Variants in FAM161B observed in about 807,000 individuals in gnomAD.
FAM161B encodes the protein protein FAM161B.
Under a neutral mutation model 61.5 loss-of-function variants are expected in FAM161B, and 46 were observed. That is an observed-to-expected ratio of 0.75 (90% CI 0.59 to 0.96). The LOEUF (loss-of-function observed/expected upper bound fraction) is 0.96. Ranked by LOEUF, FAM161B falls within the 40% of genes least tolerant of loss-of-function variation. The pLI, the probability that FAM161B is intolerant of heterozygous loss-of-function variation, is 0.00. For missense variants in FAM161B, 774 were observed against 800.7 expected, an observed-to-expected ratio of 0.97 and a Z score of 0.40; for synonymous variants, 284 against 302.7, an observed-to-expected ratio of 0.94 and a Z score of 0.64.
chr14:73,937,620 GAGAT>G lies in FAM161B; in HGVS notation c.1643_1646del (p.Tyr548SerfsTer9), dbSNP rs1280134668. The stretch of plus-strand genomic sequence containing the variant: ...GTTTTACCTTGGCAACTTGTTCAAA[GAGAT>G]AGGGCCTTGTTTGTATTCGCTGCTT... On this transcript the variant is annotated frameshift_variant, in exon 7 of 9. Coordinates refer to ENST00000286544, the MANE Select transcript of FAM161B (RefSeq NM_152445.3). LOFTEE classifies it high-confidence loss of function. 1 of 1,613,712 alleles carries G rather than the reference GAGAT, an allele frequency of 6.2e-7. No homozygotes were observed. The highest frequency in any genetic ancestry group is 1.1e-5 in the South Asian group (1 of 90,848).
chr14:73,923,966 C>T, the FAM161B span, among the ~76,000 whole-genome samples: 17 of 152,098 alleles, frequency 1.1e-4, no homozygotes, highest in Non-Finnish European at 2.4e-4. Context: ...TTTCTTTTCT[C>T]CAGAAATAAC....
chr14:73,934,525 C>T (rs533233978), intron 8 of FAM161B, 131 bp from the exon 9 acceptor site: 10 of 762,762 alleles, frequency 1.3e-5, no homozygotes, highest in Admixed American at 6.8e-5. Context: ...CTGAAGCAAC[C>T]CTCCCACCTC....
chr14:73,932,271 C>T, downstream of FAM161B: 1 of 331,712 alleles, frequency 3.0e-6, no homozygotes, highest in South Asian at 2.4e-5. Flanking sequence ...AACAAAACAG[C>T]CCAGTCAGTT....
In FAM161B at chr14:73,940,990, G is replaced by A. The variant is rs780406073; in HGVS notation, c.1336C>T (p.Leu446Phe). Residue 446 changes from leucine (L) to phenylalanine (F), a missense_variant, in exon 5 of 9, where the codon CTC becomes TTC. Coordinates refer to ENST00000286544, the MANE Select transcript of FAM161B (RefSeq NM_152445.3). ...RSRSLSGLAS[L>F]SANTLPVHIT... ...TGCACAGGGAGAGTGTTGGCAGAGA[G>A]GGAAGCAAGGCCGCTCAGAGAACGA... 2.5e-6 allele frequency: 4 copies of A among 1,613,812 alleles called. No homozygotes were observed. The highest frequency in any genetic ancestry group is 1.7e-6 in the Non-Finnish European group (2 of 1,179,890).
the FAM161B span, among the ~76,000 whole-genome samples, chr14:73,925,075 C>T: frequency 6.6e-6 from 1 of 152,198 alleles, no homozygotes; most frequent in African/African-American, 2.4e-5. Context: ...TCTCTAATAT[C>T]TTTGGGGGTA....
chr14:73,934,154 C>G lies in FAM161B; in HGVS notation c.*102G>C. The G allele has an allele frequency of 7.2e-7, 1 of 1,392,542 alleles. No individual in the cohort carries two copies. Among genetic ancestry groups the G allele is most frequent in the Non-Finnish European group, 9.8e-7 (1 of 1,019,970 alleles). The allele number at this position is 1,392,542 out of a possible 1,614,324, so 86.3% of individuals were successfully genotyped here. A position where few individuals can be genotyped will look rare whatever the true frequency, so the allele number is the denominator to read the frequency against. On this transcript the variant is annotated 3_prime_UTR_variant, in exon 9 of 9. Transcript: ENST00000286544. ...CTGCTACTCTTCATTTGTCCATCCT[C>G]TAACAGTAGCCATGACTCAAAACCC...
chr14:73,929,389 C>T (rs2055878436), downstream of FAM161B, among the ~76,000 whole-genome samples: 1 of 152,138 alleles, frequency 6.6e-6, no homozygotes, highest in Non-Finnish European at 1.5e-5. Flanking sequence ...TTTCAGGTGC[C>T]AGAGAAGGTG....
Position 73,935,847 on chromosome 14 carries a change from T to C in FAM161B, c.1805+102A>G, listed in dbSNP as rs1368253810. ...TTAATGTTACATAAATACAGGATTA[T>C]GATCTCAAAATACCAGTGGCTATTC... On this transcript the variant is annotated intron_variant, in intron 8 of 8. Transcript: ENST00000286544. 38 of 1,307,214 alleles carry C rather than the reference T, an allele frequency of 2.9e-5. No homozygotes were observed. In the Admixed American group the frequency reaches 8.4e-4, roughly 29 times the overall value. The allele number at this position is 1,307,214 out of a possible 1,614,324, so 81.0% of individuals were successfully genotyped here. A position where few individuals can be genotyped will look rare whatever the true frequency, so the allele number is the denominator to read the frequency against.
chr14:73,949,856 C>G, intron 1 of FAM161B, 117 bp downstream of exon 1: 1 of 1,439,348 alleles, frequency 6.9e-7, no homozygotes, highest in Non-Finnish European at 9.4e-7. Context: ...TCCCTAAACG[C>G]TCATTTTAAT....
rs991225918 is a variant in FAM161B at position 73,932,491 on chromosome 14, C to T, written c.*1765G>A. The T allele has an allele frequency of 2.2e-6, 1 of 452,652 alleles. No homozygotes were observed. The highest frequency in any genetic ancestry group is 2.0e-5 in the African/African-American group (1 of 49,786). The allele number at this position is 452,652 out of a possible 1,614,324, so 28.0% of individuals were successfully genotyped here. On this transcript the variant is annotated 3_prime_UTR_variant, in exon 9 of 9. Transcript: ENST00000286544. ...AAAAAAGACGCATCTGAGAAAATGG[C>T]AATAAAAACAGATACTTCTGAATTT...
chr14:73,942,524 G>A lies in FAM161B; in HGVS notation c.1117C>T (p.Pro373Ser), dbSNP rs1241509153. ...GCCTTGTAAAGGCCCTCATAGTCAG[G>A]GACCACAGGATTCACCCGAGGCTGG... is the stretch of plus-strand genomic sequence containing the variant. ...RFQPRVNPVV[P>S]DYEGLYKAFQ... The change falls in exon 4 of 9, where the codon CCT becomes TCT. Residue 373 changes from proline to serine, a missense_variant. By Grantham distance (74) the Pro-to-Ser change is moderately conservative. Transcript: ENST00000286544. 1 of 1,614,186 alleles carries A rather than the reference G, an allele frequency of 6.2e-7. No individual in the cohort carries two copies. Among genetic ancestry groups the A allele is most frequent in the Non-Finnish European group, 8.5e-7 (1 of 1,180,030 alleles).
At position 73,946,523 on chromosome 14, in the gene FAM161B, T is replaced by C. The variant is rs760074114; in HGVS notation, c.137A>G (p.Lys46Arg). The part of the protein sequence containing the change: ...GDGLVLPRAS[K>R]LDEFLSPEEE... ...CTCTGGGCTGAGGAACTCGTCAAGTTTGCTGGCCCTGGGCAAAACCAGCCC... is the reference window on the plus strand; with the variant it reads ...CTCTGGGCTGAGGAACTCGTCAAGTCTGCTGGCCCTGGGCAAAACCAGCCC... Residue 46 changes from lysine (K) to arginine (R), a missense_variant, in exon 2 of 9, where the codon AAA (lysine) becomes AGA (arginine). Transcript: ENST00000286544. 1.2e-6 allele frequency: 2 copies of C among 1,614,172 alleles called. No homozygotes were observed. The highest frequency in any genetic ancestry group is 2.2e-5 in the South Asian group (2 of 91,084).
At chr14:73,930,563 G>A (rs2140336287), downstream of FAM161B, among the ~76,000 whole-genome samples, 1 of 152,264 alleles carries the variant, frequency 6.6e-6, no homozygotes, top group Non-Finnish European at 1.5e-5. Flanking sequence ...ATTTTAATAA[G>A]TTGTTTTTGT....
downstream of FAM161B, chr14:73,932,098 T>C (rs143038209): frequency 6.6e-6 from 3 of 451,316 alleles, no homozygotes; most frequent in East Asian, 1.4e-4. Context: ...GAATCTCCCC[T>C]TGGCCCAGGC....
chr14:73,948,796 C>A (rs1301307862), intron 1 of FAM161B, among the ~76,000 whole-genome samples: 1 of 152,204 alleles, frequency 6.6e-6, no homozygotes, highest in African/African-American at 2.4e-5. Flanking sequence ...TAAGCAACTG[C>A]CAATCTACTT....
the FAM161B span, among the ~76,000 whole-genome samples, chr14:73,925,969 G>C: frequency 6.6e-6 from 1 of 152,206 alleles, no homozygotes; most frequent in African/African-American, 2.4e-5. Context: ...GGGAGGTTGA[G>C]GCTACAGTGA....
intron 8 of FAM161B, among the ~76,000 whole-genome samples, chr14:73,934,756 A>G (rs1457403601): frequency 6.6e-6 from 1 of 152,140 alleles, no homozygotes; most frequent in East Asian, 1.9e-4. Flanking sequence ...CTGAAAAAAG[A>G]AAGTCTTAAA....
At position 73,940,978 on chromosome 14, in the gene FAM161B, T is replaced by C. The variant is rs745911799; in HGVS notation, c.1348A>G (p.Thr450Ala). 1 of 1,613,358 alleles carries C rather than the reference T, an allele frequency of 6.2e-7. No individual in the cohort carries two copies. The highest frequency in any genetic ancestry group is 8.5e-7 in the Non-Finnish European group (1 of 1,179,784). The part of the protein sequence containing the change: ...LSGLASLSAN[T>A]LPVHITDATR... ...GCATCTGTGATGTGCACAGGGAGAG[T>C]GTTGGCAGAGAGGGAAGCAAGGCCG... The change falls in exon 5 of 9, where the codon ACT (threonine) becomes GCT (alanine). Residue 450 changes from threonine (T) to alanine (A), a missense_variant. Thr to Ala is a moderately conservative substitution (Grantham distance 58). Coordinates refer to ENST00000286544, the MANE Select transcript of FAM161B (RefSeq NM_152445.3).
chr14:73,934,157 A>T lies in FAM161B; in HGVS notation c.*99T>A. The T allele has an allele frequency of 7.1e-7, 1 of 1,411,236 alleles. No individual in the cohort carries two copies. 87.4% of individuals were successfully genotyped at this position (1,411,236 alleles called of 1,614,324 possible). ...CTACTCTTCATTTGTCCATCCTCTA[A>T]CAGTAGCCATGACTCAAAACCCAAG... On this transcript the variant is annotated 3_prime_UTR_variant, in exon 9 of 9. Coordinates refer to ENST00000286544, the MANE Select transcript of FAM161B (RefSeq NM_152445.3).
Sources: allele counts gnomAD v4.1 joint callset (sites outside exome capture counted in the v4.1 genomes callset), GRCh38; gene constraint gnomAD v4.1.1; transcripts MANE v1.5; gene names NCBI Gene and HGNC (gene_info 2026-07-23, HGNC 2026-07-21).